CCDC15: variants seen among roughly 807,000 people sequenced by gnomAD.
CCDC15 encodes the protein coiled-coil domain containing 15.
CCDC15 carries 105 observed loss-of-function variants against 114.5 expected under a neutral mutation model. The ratio of observed to expected loss-of-function variants is 0.92; its 90% confidence interval spans 0.78 to 1.08. The LOEUF is 1.08. Among genes scored for constraint, CCDC15 ranks in the 50% least tolerant of loss-of-function variants. CCDC15 has a pLI of 0.00. For missense variants in CCDC15, 1,105 were observed against 1,093.6 expected (o/e 1.01, Z -0.15); for synonymous variants, 334 against 377.8 (o/e 0.88, Z 1.34).
chr11:124,997,419 A>G (rs188390060), intron 11 of CCDC15, among the ~76,000 whole-genome samples: 46 of 151,912 alleles, frequency 3.0e-4, no homozygotes, highest in Admixed American at 2.8e-3. Flanking sequence ...CCTCCTAAGT[A>G]GCTAGGACTA....
In CCDC15 at chr11:124,972,489, T is replaced by C. The variant is rs1386516355; in HGVS notation, c.517-2607T>C. Reference sequence around the variant, plus strand: ...TATTTGAATTATTGCATAATTTAATTTATAATATCCCCCTGGGTTCTATGT... The same window carrying C: ...TATTTGAATTATTGCATAATTTAATCTATAATATCCCCCTGGGTTCTATGT... On this transcript the variant is annotated intron_variant, in intron 4 of 15. Coordinates refer to ENST00000344762, the MANE Select transcript of CCDC15 (RefSeq NM_025004.3). 3.9e-5 allele frequency among the ~76,000 whole-genome samples: 6 copies of C among 152,322 alleles called. 1 individual carries two copies. The South Asian group carries it at 1.0e-3, about 26-fold the overall frequency.
At chr11:124,974,664 A>G (rs1947943900) in intron 4 of CCDC15, among the ~76,000 whole-genome samples, 2 of 152,134 alleles carry the variant, frequency 1.3e-5, no homozygotes, top group Non-Finnish European at 2.9e-5. Context: ...TAAGGAAACT[A>G]GGAATAGAGT....
At chr11:124,957,416 T>G (rs1947571234) in intron 2 of CCDC15, among the ~76,000 whole-genome samples, 1 of 152,202 alleles carries the variant, frequency 6.6e-6, no homozygotes, top group African/African-American at 2.4e-5. Flanking sequence ...ACATGGCTTC[T>G]CTGTTTGACT....
chr11:124,975,842 A>C (rs1297934885), intron 5 of CCDC15, among the ~76,000 whole-genome samples: 3 of 152,046 alleles, frequency 2.0e-5, no homozygotes, highest in Non-Finnish European at 2.9e-5. Flanking sequence ...GTCACTTTCT[A>C]ATCAGGAAAA....
chr11:125,040,052 G>GTT (rs5795442), intron 15 of CCDC15, among the ~76,000 whole-genome samples: 2,250 of 146,040 alleles, frequency 0.015, 58 homozygotes, highest in African/African-American at 0.05. Flanking sequence ...TTTTGTTTTT[G>GTT]TTTTTTTTTT....
intron 4 of CCDC15, among the ~76,000 whole-genome samples, chr11:124,966,263 T>C (rs1027279129): frequency 1.3e-5 from 2 of 152,190 alleles, no homozygotes; most frequent in Non-Finnish European, 2.9e-5. Context: ...CCATTATTAT[T>C]GTGTGGGAGT....
In CCDC15 at chr11:125,016,401, A is replaced by T. The variant is rs565665990; in HGVS notation, c.2411+11189A>T. 2.8e-4 allele frequency among the ~76,000 whole-genome samples: 42 copies of T among 150,650 alleles called. 2 individuals carry two copies. In the South Asian group the frequency reaches 8.2e-3, roughly 29 times the overall value. The stretch of plus-strand genomic sequence containing the variant: ...TGTGGACTGGGGTTGGGATGCTTGG[A>T]AAAAAAAAATCTTTATCAAGTTGTC... On this transcript the variant is annotated intron_variant, in intron 13 of 15. Transcript: ENST00000344762.
At chr11:125,002,863 G>A (rs1332917492) in intron 11 of CCDC15, among the ~76,000 whole-genome samples, 1 of 151,996 alleles carries the variant, frequency 6.6e-6, no homozygotes, top group Non-Finnish European at 1.5e-5. Context: ...TTTCAAGACT[G>A]TCTTAGCTAT....
chr11:125,006,354 G>A (rs1241363088), intron 13 of CCDC15, among the ~76,000 whole-genome samples: 1 of 152,114 alleles, frequency 6.6e-6, no homozygotes, highest in Non-Finnish European at 1.5e-5. Flanking sequence ...TGTCATCTGT[G>A]TATCTTCTTT....
At chr11:124,969,934 T>C (rs1183625683) in intron 4 of CCDC15, among the ~76,000 whole-genome samples, 1 of 152,198 alleles carries the variant, frequency 6.6e-6, no homozygotes, top group African/African-American at 2.4e-5. Context: ...TAATATTTAA[T>C]CAGTAGCTTG....
chr11:125,012,416 A>T (rs1948599047), intron 13 of CCDC15, among the ~76,000 whole-genome samples: 1 of 152,236 alleles, frequency 6.6e-6, no homozygotes, highest in Admixed American at 6.5e-5. Context: ...GGCTCAGATG[A>T]TACAAAGATA....
chr11:125,015,431 TC>T (rs2135532202), intron 13 of CCDC15, among the ~76,000 whole-genome samples: 1 of 152,280 alleles, frequency 6.6e-6, no homozygotes, highest in South Asian at 2.1e-4. Flanking sequence ...AGACATTAAA[TC>T]ACAGTAAGAG....
chr11:125,035,076 A>G (rs1291830824), intron 13 of CCDC15, among the ~76,000 whole-genome samples: 3 of 152,190 alleles, frequency 2.0e-5, no homozygotes, highest in Non-Finnish European at 2.9e-5. Flanking sequence ...GGCAGGAAGC[A>G]TCCAGCATGG....
At chr11:125,021,360 C>T (rs1948659451) in intron 13 of CCDC15, among the ~76,000 whole-genome samples, 2 of 151,784 alleles carry the variant, frequency 1.3e-5, no homozygotes, top group Non-Finnish European at 2.9e-5. Flanking sequence ...ACCTTTTCTT[C>T]ATTATTGTTC....
chr11:125,017,380 A>G (rs537286584), intron 13 of CCDC15, among the ~76,000 whole-genome samples: 27 of 152,268 alleles, frequency 1.8e-4, no homozygotes, highest in African/African-American at 6.5e-4. Flanking sequence ...TGTTTTGGTT[A>G]GTGATGGACA....
At chr11:125,028,904 A>G (rs929368011) in intron 13 of CCDC15, among the ~76,000 whole-genome samples, 4 of 152,152 alleles carry the variant, frequency 2.6e-5, no homozygotes, top group Non-Finnish European at 5.9e-5. Flanking sequence ...ATAAATATAT[A>G]TAAGGGGGAG....
intron 2 of CCDC15, among the ~76,000 whole-genome samples, chr11:124,956,623 T>C (rs1947555581): frequency 6.6e-6 from 1 of 152,208 alleles, no homozygotes; most frequent in Admixed American, 6.5e-5. Context: ...CCATCAAACT[T>C]TTTCTATGTT....
intron 2 of CCDC15, among the ~76,000 whole-genome samples, chr11:124,958,033 C>T (rs1316349443): frequency 6.6e-6 from 1 of 152,186 alleles, no homozygotes; most frequent in Non-Finnish European, 1.5e-5. Flanking sequence ...TCTTTCTGAA[C>T]TCCAGCTTCC....
chr11:125,038,826 A>G (rs1196923718), intron 14 of CCDC15, 95 bp from the exon 15 acceptor site: 2 of 1,379,008 alleles, frequency 1.5e-6, no homozygotes, highest in Non-Finnish European at 2.0e-6. Context: ...GAGATACGGA[A>G]TAGATTTAAC....
Sources: gnomAD v4.1 joint callset for allele counts (sites outside exome capture counted in the v4.1 genomes callset) on GRCh38, gnomAD v4.1.1 for gene constraint, MANE v1.5 for transcripts, NCBI Gene and HGNC (gene_info 2026-07-23, HGNC 2026-07-21) for gene names.